PDE11A: variants seen among roughly 807,000 people sequenced by gnomAD.
PDE11A encodes the protein dual 3',5'-cyclic-AMP and -GMP phosphodiesterase 11A.
Under a neutral mutation model 100.5 loss-of-function variants are expected in PDE11A, and 100 were observed. That is an observed-to-expected ratio of 1.00 (90% CI 0.85 to 1.18). The LOEUF (loss-of-function observed/expected upper bound fraction) is 1.18. Among genes scored for constraint, PDE11A ranks in the 50% most tolerant of loss-of-function variants. The pLI, the probability that PDE11A is intolerant of heterozygous loss-of-function variation, is 0.00. For missense variants in PDE11A, 1,141 were observed against 1,152.6 expected (o/e 0.99, Z 0.15); for synonymous variants, 381 against 420.8 (o/e 0.91, Z 1.16).
intron 5 of PDE11A, among the ~76,000 whole-genome samples, chr2:177,851,138 A>G (rs2083693580): frequency 6.6e-6 from 1 of 152,152 alleles, no homozygotes; most frequent in South Asian, 2.1e-4. Context: ...AACCAACCCA[A>G]ATGTCCAACA....
At chr2:177,788,236 A>C (rs577020811) in intron 9 of PDE11A, among the ~76,000 whole-genome samples, 15,038 of 149,542 alleles carry the variant, frequency 0.1, 975 homozygotes, top group Non-Finnish European at 0.14. Flanking sequence ...TAAGAAACTC[A>C]CTCAAAACCG....
rs1366275013 is a variant in PDE11A at position 177,981,466 on chromosome 2, AG to A, written c.1071+32835del. On this transcript the variant is annotated intron_variant, in intron 2 of 19. Transcript: ENST00000286063. The stretch of plus-strand genomic sequence containing the variant: ...TTTTGGTTTATGGCAGCATAACTCC[AG>A]TCTTCACATGGCATTCTCCCTGTAT... Among the ~76,000 whole-genome samples, 3 of 150,578 alleles carry A rather than the reference AG, an allele frequency of 2.0e-5. 1 individual carries two copies. The highest frequency in any genetic ancestry group is 2.4e-5 in the African/African-American group (1 of 41,312).
In PDE11A at chr2:177,625,237, A is replaced by G. The variant is rs962426260; in HGVS notation, c.*4170T>C. On this transcript the variant is annotated 3_prime_UTR_variant, in exon 20 of 20. Coordinates refer to ENST00000286063, the MANE Select transcript of PDE11A (RefSeq NM_016953.4). ...AGATGACTGCTTTAGGTTTGTTGCT[A>G]TTTTATTTGAGAAGAATAAAAAAGA... is the stretch of plus-strand genomic sequence containing the variant. 3.9e-5 allele frequency: 6 copies of G among 152,650 alleles called. No individual in the cohort carries two copies. The East Asian group carries it at 1.2e-3, about 29-fold the overall frequency. 9.5% of individuals were successfully genotyped at this position (152,650 alleles called of 1,614,324 possible).
At chr2:177,838,433 A>T (rs199959950) in intron 6 of PDE11A, among the ~76,000 whole-genome samples, 1 of 152,056 alleles carries the variant, frequency 6.6e-6, no homozygotes, top group Admixed American at 6.5e-5. Flanking sequence ...TAAATGAAAT[A>T]TTTTTTTAAA....
At chr2:177,638,794 T>A (rs548650933) in intron 19 of PDE11A, among the ~76,000 whole-genome samples, 1 of 152,214 alleles carries the variant, frequency 6.6e-6, no homozygotes, top group Non-Finnish European at 1.5e-5. Flanking sequence ...CAATGCCTCA[T>A]GTATTTCAAG....
intron 1 of PDE11A, among the ~76,000 whole-genome samples, chr2:178,022,785 A>G (rs2086429160): frequency 6.6e-6 from 1 of 152,242 alleles, no homozygotes; most frequent in South Asian, 2.1e-4. Context: ...CAAAAGAACA[A>G]GAAATGATCT....
At chr2:178,065,255 T>C (rs917273019) in intron 1 of PDE11A, among the ~76,000 whole-genome samples, 1 of 152,184 alleles carries the variant, frequency 6.6e-6, no homozygotes, top group Non-Finnish European at 1.5e-5. Context: ...GACTTTCCTA[T>C]AAAACAACTA....
chr2:177,823,712 A>G (rs2083181757), intron 6 of PDE11A, among the ~76,000 whole-genome samples: 1 of 152,210 alleles, frequency 6.6e-6, no homozygotes, highest in Non-Finnish European at 1.5e-5. Context: ...ACCAGTAAGC[A>G]TGAAGAGAAG....
chr2:178,066,873 A>G (rs889896469), intron 1 of PDE11A, among the ~76,000 whole-genome samples: 1 of 152,104 alleles, frequency 6.6e-6, no homozygotes, highest in Non-Finnish European at 1.5e-5. Flanking sequence ...CTTGCTATGG[A>G]TTAGGGGACA....
chr2:177,880,070 T>C (rs1030560169), intron 4 of PDE11A, among the ~76,000 whole-genome samples: 3 of 152,206 alleles, frequency 2.0e-5, no homozygotes, highest in Non-Finnish European at 4.4e-5. Flanking sequence ...TATGGTGCCA[T>C]GATCAAAGTC....
chr2:178,032,953 A>C (rs966353917), intron 1 of PDE11A, among the ~76,000 whole-genome samples: 1 of 152,218 alleles, frequency 6.6e-6, no homozygotes, highest in African/African-American at 2.4e-5. Context: ...CAGTGCAAAA[A>C]AACAACTGAA....
chr2:177,644,849 TA>T (rs1260177393), intron 19 of PDE11A, among the ~76,000 whole-genome samples: 1 of 152,188 alleles, frequency 6.6e-6, no homozygotes, highest in Non-Finnish European at 1.5e-5. Flanking sequence ...GAATAAGTCT[TA>T]GAAAGTCTGA....
At chr2:178,019,865 G>A (rs2086384488) in intron 1 of PDE11A, among the ~76,000 whole-genome samples, 1 of 152,136 alleles carries the variant, frequency 6.6e-6, no homozygotes, top group African/African-American at 2.4e-5. Context: ...TTGAGATAAA[G>A]GTGAAAGTCT....
chr2:178,100,639 T>C (rs993405494), intron 2 of PDE11A, among the ~76,000 whole-genome samples: 7 of 152,222 alleles, frequency 4.6e-5, no homozygotes, highest in Non-Finnish European at 8.8e-5. Flanking sequence ...CAAACAATAA[T>C]ATTATATCCT....
chr2:178,032,864 C>T (rs896701870), intron 1 of PDE11A, among the ~76,000 whole-genome samples: 5 of 152,130 alleles, frequency 3.3e-5, no homozygotes, highest in Non-Finnish European at 5.9e-5. Context: ...ACATAAAGGA[C>T]CCCCACACAA....
At chr2:178,094,934 C>A (rs902458352) in intron 2 of PDE11A, among the ~76,000 whole-genome samples, 2 of 152,182 alleles carry the variant, frequency 1.3e-5, no homozygotes, top group South Asian at 4.1e-4. Context: ...GGAAACTGCC[C>A]CCATGATCCA....
chr2:177,943,336 T>C (rs965689110), intron 2 of PDE11A, among the ~76,000 whole-genome samples: 9 of 152,236 alleles, frequency 5.9e-5, no homozygotes, highest in African/African-American at 2.2e-4. Context: ...ACAGTCCCAC[T>C]AGTACTTCAC....
chr2:177,936,819 G>A (rs1167633966), intron 2 of PDE11A, among the ~76,000 whole-genome samples: 1 of 152,060 alleles, frequency 6.6e-6, no homozygotes, highest in Non-Finnish European at 1.5e-5. Context: ...TACTCAGGAG[G>A]CTGAGGCAGG....
intron 14 of PDE11A, 108 bp downstream of exon 14, chr2:177,701,013 T>G (rs371932190): frequency 4.0e-5 from 30 of 751,974 alleles, no homozygotes; most frequent in African/African-American, 6.8e-5. Context: ...TAGAAATGGT[T>G]TTCCCACTGC....
Sources: allele counts gnomAD v4.1 joint callset (sites outside exome capture counted in the v4.1 genomes callset), GRCh38; gene constraint gnomAD v4.1.1; transcripts MANE v1.5; gene names NCBI Gene and HGNC (gene_info 2026-07-23, HGNC 2026-07-21).